Variants in GPR83 observed in about 807,000 individuals in gnomAD.
GPR83 encodes G-protein coupled receptor 72.
Under a neutral mutation model 28.0 loss-of-function variants are expected in GPR83, and 23 were observed. The observed-to-expected ratio is 0.82, with a 90% CI of 0.59 to 1.16. GPR83 has a LOEUF of 1.16. GPR83 is among the 50% of genes most tolerant of loss of function. GPR83 has a pLI of 0.00. For missense variants in GPR83, 610 were observed against 536.6 expected (o/e 1.14, Z -1.35); for synonymous variants, 234 against 215.4 (o/e 1.09, Z -0.76).
intron 2 of GPR83, among the ~76,000 whole-genome samples, chr11:94,394,136 G>A (rs1448865120): frequency 6.6e-6 from 1 of 152,180 alleles, no homozygotes; most frequent in Non-Finnish European, 1.5e-5. Flanking sequence ...CGGCAAGGCT[G>A]GGAGAGGAGC....
chr11:94,395,151 G>A (rs940431664), intron 2 of GPR83, among the ~76,000 whole-genome samples: 2 of 152,142 alleles, frequency 1.3e-5, no homozygotes, highest in African/African-American at 4.8e-5. Context: ...ACCAGATGCT[G>A]GAATCTCCTC....
At position 94,390,682 on chromosome 11, in the gene GPR83, GACAA is replaced by G. The variant is rs1259832200; in HGVS notation, c.647+2799_647+2802del. Among the ~76,000 whole-genome samples the G allele has an allele frequency of 3.9e-5, 6 of 152,046 alleles. No homozygotes were observed. In the East Asian group the frequency reaches 7.7e-4, roughly 20 times the overall value. On this transcript the variant is annotated intron_variant, in intron 3 of 3. Transcript: ENST00000243673. ...CGACCATTCCTATACACCAATAACA[GACAA>G]ACAGAGAGCCAAATCATGAGTGAAC... is the stretch of plus-strand genomic sequence containing the variant.
At chr11:94,396,604 G>A (rs1944869546) in intron 1 of GPR83, 80 bp from the exon 2 acceptor site, 1 of 1,402,734 alleles carries the variant, frequency 7.1e-7, no homozygotes, top group Non-Finnish European at 9.9e-7. Flanking sequence ...TGAGGAGCAT[G>A]CCCTTAGGGG....
In GPR83 at chr11:94,387,236, A is replaced by G. The variant is rs575116120; in HGVS notation, c.647+6249T>C. On this transcript the variant is annotated intron_variant, in intron 3 of 3. Transcript: ENST00000243673. ...CACAAGGGAAACCAGGAAAGATCTA[A>G]AATTGACACCCTAACATCACAATTA... Among the ~76,000 whole-genome samples, 3 of 152,350 alleles carry G rather than the reference A, an allele frequency of 2.0e-5. No homozygotes were observed. In the East Asian group the frequency reaches 5.8e-4, roughly 29 times the overall value.
intron 3 of GPR83, among the ~76,000 whole-genome samples, chr11:94,381,636 C>T (rs1361630463): frequency 6.6e-6 from 1 of 151,350 alleles, no homozygotes; most frequent in East Asian, 1.9e-4. Context: ...TCCCTGGATC[C>T]CTGCAGTCTG....
In GPR83 at chr11:94,389,787, A is replaced by C. The variant is rs534311963; in HGVS notation, c.647+3698T>G. Among the ~76,000 whole-genome samples, 722 of 152,286 alleles carry C rather than the reference A, an allele frequency of 4.7e-3. 9 individuals are homozygous for C. The highest frequency in any genetic ancestry group is 0.017 in the African/African-American group (697 of 41,542). ...CGATTCCTCAGGGATCTAGAACTAG[A>C]AATACCATTTGACCCAGCCATCCCA... is the stretch of plus-strand genomic sequence containing the variant. On this transcript the variant is annotated intron_variant, in intron 3 of 3. Transcript: ENST00000243673.
rs1015319493 is a variant in GPR83, at chr11:94,379,383, A to AG, written c.*765_*766insC. On this transcript the variant is annotated 3_prime_UTR_variant, in exon 4 of 4. Coordinates refer to ENST00000243673, the MANE Select transcript of GPR83 (RefSeq NM_016540.4). ...GAGATTCCATCTCAAAAAAAAAAAAAAAAAGAAAAAAAAAAGGTCATGCAC... is the reference window on the plus strand; with the variant it reads ...GAGATTCCATCTCAAAAAAAAAAAAAGAAAAGAAAAAAAAAAGGTCATGCAC... The AG allele has an allele frequency of 6.6e-6, 1 of 151,506 alleles. No individual in the cohort carries two copies. The highest frequency in any genetic ancestry group is 1.5e-5 in the Non-Finnish European group (1 of 67,894). 9.4% of individuals were successfully genotyped at this position (151,506 alleles called of 1,614,324 possible).
rs1944631580 is a variant in GPR83, at chr11:94,377,390, C to T, written c.*2759G>A. On this transcript the variant is annotated 3_prime_UTR_variant, in exon 4 of 4. Coordinates refer to ENST00000243673, the MANE Select transcript of GPR83 (RefSeq NM_016540.4). Reference sequence around the variant, plus strand: ...CACTTTACAGCACATTGGAAAAACTCAAGTTTCACAAATTTTACATTCACA... The same window carrying T: ...CACTTTACAGCACATTGGAAAAACTTAAGTTTCACAAATTTTACATTCACA... 1.3e-5 allele frequency: 2 copies of T among 152,178 alleles called. No homozygotes were observed. The highest frequency in any genetic ancestry group is 2.1e-4 in the South Asian group (1 of 4,828). 9.4% of individuals were successfully genotyped at this position (152,178 alleles called of 1,614,324 possible). A position where few individuals can be genotyped will look rare whatever the true frequency, so the allele number is the denominator to read the frequency against.
chr11:94,399,918 A>G (rs557703249), intron 1 of GPR83, among the ~76,000 whole-genome samples: 6 of 152,280 alleles, frequency 3.9e-5, no homozygotes, highest in African/African-American at 1.2e-4. Flanking sequence ...GGGCTTGGGG[A>G]AGAATCCCAT....
At chr11:94,384,343 A>G (rs115790399) in intron 3 of GPR83, among the ~76,000 whole-genome samples, 2,418 of 152,304 alleles carry the variant, frequency 0.016, 71 homozygotes, top group African/African-American at 0.056. Flanking sequence ...TCAAAGTAAT[A>G]AGAACTATTT....
At position 94,380,163 on chromosome 11, in the gene GPR83, C is replaced by T; in HGVS notation, c.1258G>A (p.Val420Met). Residue 420 changes from valine to methionine, a missense_variant, in exon 4 of 4, where the codon GTG becomes ATG. Transcript: ENST00000243673. ...CCCAACCTCTTCTAACTCATCGTCA[C>T]AATGGGTTCCACAGATGACAGGTCT... The part of the protein sequence containing the change: ...KTDLSSVEPI[V>M]TMS 6.6e-7 allele frequency: 1 copy of T among 1,513,502 alleles called. No individual in the cohort carries two copies. Among genetic ancestry groups the T allele is most frequent in the Non-Finnish European group, 8.8e-7 (1 of 1,131,724 alleles). The allele number at this position is 1,513,502 out of a possible 1,614,324, so 93.8% of individuals were successfully genotyped here.
chr11:94,398,771 T>A (rs1053380375), intron 1 of GPR83, among the ~76,000 whole-genome samples: 1 of 152,184 alleles, frequency 6.6e-6, no homozygotes, highest in Non-Finnish European at 1.5e-5. Context: ...CCTTTCCCGA[T>A]GGGGGAGCCT....
At chr11:94,384,304 C>G (rs982060291) in intron 3 of GPR83, among the ~76,000 whole-genome samples, 5 of 152,204 alleles carry the variant, frequency 3.3e-5, no homozygotes, top group Non-Finnish European at 7.3e-5. Flanking sequence ...TACAAACTCT[C>G]AATAAACTGG....
At chr11:94,390,562 A>G (rs1944807680) in intron 3 of GPR83, among the ~76,000 whole-genome samples, 1 of 152,206 alleles carries the variant, frequency 6.6e-6, no homozygotes, top group Admixed American at 6.5e-5. Context: ...ATGATTGTGT[A>G]TTTAGAAAAC....
At chr11:94,390,394 TC>T (rs1944805601) in intron 3 of GPR83, among the ~76,000 whole-genome samples, 1 of 152,014 alleles carries the variant, frequency 6.6e-6, no homozygotes, top group Non-Finnish European at 1.5e-5. Flanking sequence ...CTGGAAGCAT[TC>T]CCTTTGAAAA....
Position 94,380,770 on chromosome 11 carries a change from C to T in GPR83, c.651G>A (p.Glu217=). 5 of 1,606,564 alleles carry T rather than the reference C, an allele frequency of 3.1e-6. No individual in the cohort carries two copies. The highest frequency in any genetic ancestry group is 4.2e-6 in the Non-Finnish European group (5 of 1,176,684). Residue 217 remains glutamate (E), a synonymous_variant, in exon 4 of 4, where the codon GAG becomes GAA. Transcript: ENST00000243673. ...GCAGGCAGAGGGAGCGCACAATGTCCTCACTGGGGGCAGGAAGTGGGGAGG... is the reference window on the plus strand; with the variant it reads ...GCAGGCAGAGGGAGCGCACAATGTCTTCACTGGGGGCAGGAAGTGGGGAGG... ...CQKLFTFKYS[E]DIVRSLCLPD...
chr11:94,392,107 A>ATG (rs1214751432), intron 3 of GPR83, among the ~76,000 whole-genome samples: 1 of 152,142 alleles, frequency 6.6e-6, no homozygotes, highest in Non-Finnish European at 1.5e-5. Flanking sequence ...GATAAAGAAA[A>ATG]TGTGGCACAC....
In GPR83 at chr11:94,379,526, G is replaced by A. The variant is rs1944661768; in HGVS notation, c.*623C>T. The A allele has an allele frequency of 6.6e-6, 1 of 152,204 alleles. No individual in the cohort carries two copies. The highest frequency in any genetic ancestry group is 1.5e-5 in the Non-Finnish European group (1 of 68,066). The allele number at this position is 152,204 out of a possible 1,614,324, so 9.4% of individuals were successfully genotyped here. ...TGATTTTGTGTGTGTGTATGTGAGTGTGTGCTTTTCTGAATTTTTCTAAGT... is the reference window on the plus strand; with the variant it reads ...TGATTTTGTGTGTGTGTATGTGAGTATGTGCTTTTCTGAATTTTTCTAAGT... On this transcript the variant is annotated 3_prime_UTR_variant, in exon 4 of 4. Coordinates refer to ENST00000243673, the MANE Select transcript of GPR83 (RefSeq NM_016540.4).
At chr11:94,388,240 G>A (rs919524223) in intron 3 of GPR83, among the ~76,000 whole-genome samples, 2 of 152,282 alleles carry the variant, frequency 1.3e-5, no homozygotes, top group African/African-American at 4.8e-5. Flanking sequence ...AAAACTGGAA[G>A]CATTCCCTTT....
Sources: allele counts gnomAD v4.1 joint callset (sites outside exome capture counted in the v4.1 genomes callset), GRCh38; gene constraint gnomAD v4.1.1; transcripts MANE v1.5; gene names NCBI Gene and HGNC (gene_info 2026-07-23, HGNC 2026-07-21).